ULK4: variants seen among roughly 807,000 people sequenced by gnomAD.
ULK4 encodes inactive serine/threonine-protein kinase ULK4.
In ULK4, 133 loss-of-function variants were observed where a neutral mutation model predicts 160.6. That is an observed-to-expected ratio of 0.83 (90% CI 0.72 to 0.96). The LOEUF is 0.96. Among genes scored for constraint, ULK4 ranks in the 40% least tolerant of loss-of-function variants. ULK4 has a pLI of 0.00. For missense variants in ULK4, 1,580 were observed against 1,499.5 expected (o/e 1.05, Z -0.89); for synonymous variants, 534 against 539.8 (o/e 0.99, Z 0.15).
chr3:41,812,246 C>G (rs2040839530), intron 19 of ULK4, among the ~76,000 whole-genome samples: 1 of 152,202 alleles, frequency 6.6e-6, no homozygotes, highest in South Asian at 2.1e-4. Flanking sequence ...GATCACACCA[C>G]TGCATTCCAG....
At chr3:41,370,028 A>G (rs1055107581) in intron 35 of ULK4, among the ~76,000 whole-genome samples, 1 of 152,138 alleles carries the variant, frequency 6.6e-6, no homozygotes, top group Non-Finnish European at 1.5e-5. Flanking sequence ...GAGCCTGGAA[A>G]TGTAATGACT....
At chr3:41,350,482 A>T (rs757682579) in intron 35 of ULK4, among the ~76,000 whole-genome samples, 2 of 152,094 alleles carry the variant, frequency 1.3e-5, no homozygotes, top group Non-Finnish European at 2.9e-5. Flanking sequence ...AATGCTGCTT[A>T]AAAAAAACTA....
chr3:41,478,748 G>A (rs2084218335), intron 32 of ULK4, among the ~76,000 whole-genome samples: 1 of 152,194 alleles, frequency 6.6e-6, no homozygotes, highest in African/African-American at 2.4e-5. Context: ...TAGCTCAAGT[G>A]GCTTAGGATT....
chr3:41,445,389 G>C lies in ULK4; in HGVS notation c.3492+10108C>G, dbSNP rs2083274258. On this transcript the variant is annotated intron_variant, in intron 34 of 36. Transcript: ENST00000301831. ...AAAAAACAACTTTCAAGTTCATATG[G>C]AACCAAAAAAGAGCCTGCATCGCCA... Among the ~76,000 whole-genome samples, 14 of 152,186 alleles carry C rather than the reference G, an allele frequency of 9.2e-5. No individual in the cohort carries two copies. In the South Asian group the frequency reaches 2.9e-3, roughly 32 times the overall value.
At chr3:41,383,213 C>G (rs1177447171) in intron 35 of ULK4, among the ~76,000 whole-genome samples, 1 of 151,946 alleles carries the variant, frequency 6.6e-6, no homozygotes, top group East Asian at 1.9e-4. Context: ...ATTCTCCTGC[C>G]TCAGCCTCCC....
At chr3:41,771,397 AAAG>A (rs1391111282) in intron 21 of ULK4, among the ~76,000 whole-genome samples, 2 of 152,196 alleles carry the variant, frequency 1.3e-5, no homozygotes, top group Non-Finnish European at 2.9e-5. Flanking sequence ...ATACATTTAT[AAAG>A]AACAAAAGGA....
At chr3:41,647,190 A>G (rs1409585064) in intron 30 of ULK4, among the ~76,000 whole-genome samples, 1 of 151,856 alleles carries the variant, frequency 6.6e-6, no homozygotes, top group Non-Finnish European at 1.5e-5. Context: ...TCTTCTCTCA[A>G]CTCGTCAAAG....
chr3:41,820,480 G>A (rs2041110748), intron 18 of ULK4, among the ~76,000 whole-genome samples: 1 of 152,154 alleles, frequency 6.6e-6, no homozygotes, highest in Admixed American at 6.5e-5. Context: ...TACTACTGCA[G>A]CAACACGGAT....
chr3:41,467,748 A>G (rs976993428), intron 32 of ULK4, among the ~76,000 whole-genome samples: 1 of 152,222 alleles, frequency 6.6e-6, no homozygotes, highest in South Asian at 2.1e-4. Flanking sequence ...ACATTTATTT[A>G]AGGTTCTAAA....
intron 5 of ULK4, 127 bp from the exon 6 acceptor site, chr3:41,919,945 T>G (rs1044559307): frequency 1.9e-6 from 1 of 525,086 alleles, no homozygotes; most frequent in East Asian, 2.8e-5. Flanking sequence ...TAAAACTTCA[T>G]GTGCATTTCA....
intron 22 of ULK4, among the ~76,000 whole-genome samples, chr3:41,726,038 A>G (rs2037638275): frequency 6.6e-6 from 1 of 152,234 alleles, no homozygotes; most frequent in Admixed American, 6.5e-5. Flanking sequence ...AATCCTCTCC[A>G]AATTTACAGA....
At chr3:41,818,170 C>T (rs2041029995) in intron 19 of ULK4, among the ~76,000 whole-genome samples, 2 of 151,618 alleles carry the variant, frequency 1.3e-5, no homozygotes, top group Non-Finnish European at 2.9e-5. Context: ...CCAGCAGTCC[C>T]ACTGCTGGGT....
intron 21 of ULK4, among the ~76,000 whole-genome samples, chr3:41,781,510 T>C (rs1346736763): frequency 6.6e-6 from 1 of 152,230 alleles, no homozygotes; most frequent in African/African-American, 2.4e-5. Context: ...GTGAATATAT[T>C]TACTTTTTAA....
Position 41,819,444 on chromosome 3 carries a change from T to C in ULK4, c.1827A>G (p.Leu609=). ...WAVPLAAYTV[L]MRCLREGEER... The stretch of plus-strand genomic sequence containing the variant: ...TTACCCCTTCCCGAAGGCACCTCAT[T>C]AGCACTGTGTATGCAGCCAAGGGAA... Residue 609 remains leucine, a synonymous_variant, in exon 19 of 37, where the codon CTA becomes CTG. Coordinates refer to ENST00000301831, the MANE Select transcript of ULK4 (RefSeq NM_017886.4). 1.2e-6 allele frequency: 2 copies of C among 1,613,622 alleles called. No individual in the cohort carries two copies. Among genetic ancestry groups the C allele is most frequent in the East Asian group, 4.5e-5 (2 of 44,856 alleles).
chr3:41,938,547 T>G (rs1699854753), intron 2 of ULK4, among the ~76,000 whole-genome samples: 1 of 152,090 alleles, frequency 6.6e-6, no homozygotes, highest in South Asian at 2.1e-4. Context: ...CGGGGCGTGG[T>G]GGCACGCGCC....
chr3:41,302,355 T>C (rs907855549), intron 35 of ULK4, among the ~76,000 whole-genome samples: 7 of 152,232 alleles, frequency 4.6e-5, no homozygotes, highest in Admixed American at 2.0e-4. Context: ...CTTAATGGAA[T>C]GGTTTAATCA....
intron 18 of ULK4, among the ~76,000 whole-genome samples, chr3:41,825,682 A>AT: frequency 6.6e-6 from 1 of 152,240 alleles, no homozygotes; most frequent in Non-Finnish European, 1.5e-5. Context: ...TCTACGTCTG[A>AT]TTGGTGTACC....
At chr3:41,917,988 A>AAAATAAATAAAT (rs150895020) in intron 7 of ULK4, among the ~76,000 whole-genome samples, 16 of 147,834 alleles carry the variant, frequency 1.1e-4, no homozygotes, top group African/African-American at 2.8e-4. Context: ...CTCTGTCTCA[A>AAAATAAATAAAT]AAATAAATAA....
chr3:41,696,740 G>GTTAAC (rs2036517549), intron 27 of ULK4, among the ~76,000 whole-genome samples: 1 of 109,520 alleles, frequency 9.1e-6, no homozygotes, highest in African/African-American at 1.3e-4. Context: ...TGCAGATGAG[G>GTTAAC]TTAAGGATCT....
Sources: gnomAD v4.1 joint callset for allele counts (sites outside exome capture counted in the v4.1 genomes callset) on GRCh38, gnomAD v4.1.1 for gene constraint, MANE v1.5 for transcripts, NCBI Gene and HGNC (gene_info 2026-07-23, HGNC 2026-07-21) for gene names.